XKR6: variants seen among roughly 807,000 people sequenced by gnomAD.
XKR6 encodes XK-related protein 6.
In XKR6, 22 loss-of-function variants were observed where a neutral mutation model predicts 56.7. The ratio of observed to expected loss-of-function variants is 0.39; its 90% CI spans 0.28 to 0.55. The LOEUF is 0.55. Among genes scored for constraint, XKR6 ranks in the 20% least tolerant of loss-of-function variants. The pLI is 0.66. For synonymous variants in XKR6, 524 were observed against 387.8 expected (o/e 1.35, Z -4.13); for missense variants, 852 against 889.0 (o/e 0.96, Z 0.53).
intron 2 of XKR6, among the ~76,000 whole-genome samples, chr8:10,921,302 A>G (rs1800701653): frequency 6.6e-6 from 1 of 152,240 alleles, no homozygotes; most frequent in Non-Finnish European, 1.5e-5. Context: ...AGAAAGGGAG[A>G]GAAATCTCCC....
At chr8:11,021,505 A>G (rs1798748275) in intron 1 of XKR6, among the ~76,000 whole-genome samples, 1 of 152,110 alleles carries the variant, frequency 6.6e-6, no homozygotes, top group Admixed American at 6.5e-5. Context: ...TTCTTTCTTC[A>G]GGGCCCAGCA....
At chr8:11,015,201 T>C (rs1798590943) in intron 1 of XKR6, among the ~76,000 whole-genome samples, 1 of 152,082 alleles carries the variant, frequency 6.6e-6, no homozygotes, top group African/African-American at 2.4e-5. Context: ...TGCACTTTTT[T>C]TTTTTTTTTA....
intron 1 of XKR6, among the ~76,000 whole-genome samples, chr8:10,987,599 A>T (rs188661149): frequency 4.6e-5 from 7 of 152,260 alleles, no homozygotes; most frequent in Non-Finnish European, 1.0e-4. Context: ...TCCTCCCCAC[A>T]TTCCCACAGT....
chr8:11,089,334 T>G (rs1418001972), intron 1 of XKR6, among the ~76,000 whole-genome samples: 1 of 152,178 alleles, frequency 6.6e-6, no homozygotes, highest in Non-Finnish European at 1.5e-5. Flanking sequence ...GTTGAGTGCT[T>G]TTTAAAAATG....
intron 1 of XKR6, among the ~76,000 whole-genome samples, chr8:11,128,183 G>A (rs1383351944): frequency 1.3e-5 from 2 of 152,256 alleles, no homozygotes; most frequent in African/African-American, 4.8e-5. Context: ...ACTAGAAACA[G>A]GAAACCACAC....
intron 2 of XKR6, among the ~76,000 whole-genome samples, chr8:10,905,380 G>A (rs1364131109): frequency 1.3e-5 from 2 of 152,136 alleles, no homozygotes; most frequent in Non-Finnish European, 2.9e-5. Context: ...ACCCTTAGCT[G>A]TTCCCCAGTT....
At chr8:11,056,247 C>T (rs1483610619) in intron 1 of XKR6, among the ~76,000 whole-genome samples, 1 of 152,222 alleles carries the variant, frequency 6.6e-6, no homozygotes, top group Non-Finnish European at 1.5e-5. Context: ...CAGGGGATTG[C>T]TGCCTGCTTT....
At chr8:11,149,320 A>G (rs1197786837) in intron 1 of XKR6, among the ~76,000 whole-genome samples, 1 of 152,244 alleles carries the variant, frequency 6.6e-6, no homozygotes, top group Non-Finnish European at 1.5e-5. Context: ...GTAGGCAACT[A>G]TAACAAAATG....
intron 1 of XKR6, among the ~76,000 whole-genome samples, chr8:11,019,791 G>C (rs1218649872): frequency 6.6e-6 from 1 of 152,196 alleles, no homozygotes. Context: ...TAGGAGCATT[G>C]ATCAGGCACC....
chr8:10,905,749 C>G (rs1800171010), intron 2 of XKR6, among the ~76,000 whole-genome samples: 1 of 152,138 alleles, frequency 6.6e-6, no homozygotes, highest in Non-Finnish European at 1.5e-5. Context: ...ATTTTTCCCA[C>G]AATGAGTCCT....
At chr8:10,979,615 G>A (rs1035516453) in intron 1 of XKR6, among the ~76,000 whole-genome samples, 3 of 152,222 alleles carry the variant, frequency 2.0e-5, no homozygotes, top group Admixed American at 6.5e-5. Flanking sequence ...TGTAAGGTGG[G>A]TTGAGTGCAG....
At chr8:10,937,677 GC>G (rs1367394271) in intron 1 of XKR6, among the ~76,000 whole-genome samples, 3 of 148,728 alleles carry the variant, frequency 2.0e-5, no homozygotes, top group East Asian at 2.0e-4. Context: ...GTGTCAGTGT[GC>G]CCCTGCTGGG....
chr8:11,026,038 T>C (rs1246626896), intron 1 of XKR6, among the ~76,000 whole-genome samples: 1 of 152,186 alleles, frequency 6.6e-6, no homozygotes, highest in Non-Finnish European at 1.5e-5. Flanking sequence ...TATACAGTCA[T>C]GCACCAATCA....
intron 1 of XKR6, among the ~76,000 whole-genome samples, chr8:11,003,765 TA>T (rs1238859364): frequency 6.6e-6 from 1 of 152,206 alleles, no homozygotes; most frequent in Non-Finnish European, 1.5e-5. Flanking sequence ...CATCAACAAA[TA>T]ATTATGCTAA....
At chr8:11,159,915 C>T (rs987551525) in intron 1 of XKR6, among the ~76,000 whole-genome samples, 11 of 152,080 alleles carry the variant, frequency 7.2e-5, no homozygotes, top group Admixed American at 5.9e-4. Context: ...ATCTCATGAC[C>T]CCAAGGGCAA....
At chr8:10,982,576 G>T (rs1463902746) in intron 1 of XKR6, among the ~76,000 whole-genome samples, 1 of 152,204 alleles carries the variant, frequency 6.6e-6, no homozygotes. Context: ...GAAAACGGGA[G>T]AAATGTTCTG....
chr8:11,083,872 G>C (rs115730390), intron 1 of XKR6, among the ~76,000 whole-genome samples: 243 of 152,132 alleles, frequency 1.6e-3, no homozygotes, highest in African/African-American at 5.5e-3. Flanking sequence ...TTTTTGCAAG[G>C]AAATGCAGAA....
chr8:11,052,972 G>A (rs575994603), intron 1 of XKR6, among the ~76,000 whole-genome samples: 2 of 152,216 alleles, frequency 1.3e-5, no homozygotes, highest in Non-Finnish European at 2.9e-5. Flanking sequence ...TTTGGTCACA[G>A]TGCTGAGGGG....
chr8:10,986,522 A>G (rs563696782), intron 1 of XKR6, among the ~76,000 whole-genome samples: 1 of 152,264 alleles, frequency 6.6e-6, no homozygotes, highest in African/African-American at 2.4e-5. Context: ...TTTTTTTCTT[A>G]CAAAAGATGG....
Sources: allele counts gnomAD v4.1 joint callset (sites outside exome capture counted in the v4.1 genomes callset), GRCh38; gene constraint gnomAD v4.1.1; transcripts MANE v1.5; gene names NCBI Gene and HGNC (gene_info 2026-07-23, HGNC 2026-07-21).